The following AFP variants were observed in gnomAD, a reference collection of about 807,000 sequenced individuals.
AFP encodes the protein alpha-fetoprotein.
Under a neutral mutation model 78.9 loss-of-function variants are expected in AFP, and 64 were observed. The observed-to-expected ratio is 0.81, with a 90% CI of 0.66 to 1.00. The LOEUF (loss-of-function observed/expected upper bound fraction) is 1.00. Ranked by LOEUF, AFP falls within the 50% of genes least tolerant of loss-of-function variation. The pLI is 0.00. For missense variants in AFP, 689 were observed against 703.8 expected, an observed-to-expected ratio of 0.98 and a Z score of 0.24; for synonymous variants, 254 against 243.8, an observed-to-expected ratio of 1.04 and a Z score of -0.39.
rs387906580 is a variant in AFP, at chr4:73,447,498, ACT to A, written c.883_884del (p.Leu295ValfsTer25). 6.2e-7 allele frequency: 1 copy of A among 1,611,924 alleles called. No individual in the cohort carries two copies. Among genetic ancestry groups the A allele is most frequent in the Non-Finnish European group, 8.5e-7 (1 of 1,179,162 alleles). On this transcript the variant is annotated frameshift_variant, in exon 8 of 15. Coordinates refer to ENST00000395792, the MANE Select transcript of AFP (RefSeq NM_001134.3). LOFTEE classifies it high-confidence loss of function. ...IMSYICSQQD[T>X]LSNKITECCK... ...GTCCTACATATGTTCTCAACAAGACACTCTGTCAAACAAAATAACAGAATGCT... is the reference window on the plus strand; with the variant it reads ...GTCCTACATATGTTCTCAACAAGACACTGTCAAACAAAATAACAGAATGCT...
At chr4:73,440,489 A>T (rs978610122) in intron 3 of AFP, 113 bp from the exon 4 acceptor site, 5 of 869,678 alleles carry the variant, frequency 5.7e-6, no homozygotes, top group Middle Eastern at 6.1e-4. Context: ...TGTATGGAAA[A>T]TTTTTCAGAA....
chr4:73,453,993 AT>A, intron 13 of AFP, 96 bp downstream of exon 13: 2 of 1,424,498 alleles, frequency 1.4e-6, no homozygotes, highest in Non-Finnish European at 1.9e-6. Flanking sequence ...ACTTTAAAAT[AT>A]TTTCAGAGAG....
chr4:73,450,068 C>A lies in AFP; in HGVS notation c.1224C>A (p.Ser408Arg). 6.2e-7 allele frequency: 1 copy of A among 1,613,494 alleles called. No homozygotes were observed. Among genetic ancestry groups the A allele is most frequent in the Non-Finnish European group, 8.5e-7 (1 of 1,179,592 alleles). ...EEELQKYIQESQALAKRSCGL... is the reference protein window; with the variant it reads ...EEELQKYIQERQALAKRSCGL... ...AATTACAGAAATACATCCAGGAGAGCCAAGCATTGGCAAAGCGAAGCTGCG... is the reference window on the plus strand; with the variant it reads ...AATTACAGAAATACATCCAGGAGAGACAAGCATTGGCAAAGCGAAGCTGCG... The change falls in exon 10 of 15, where the codon AGC (serine) becomes AGA (arginine). Residue 408 changes from serine (S) to arginine (R), a missense_variant. Physicochemically the swap from Ser to Arg is moderately radical, Grantham distance 110. Coordinates refer to ENST00000395792, the MANE Select transcript of AFP (RefSeq NM_001134.3).
intron 13 of AFP, 81 bp from the exon 14 acceptor site, chr4:73,455,155 C>T (rs1720119249): frequency 3.6e-6 from 4 of 1,117,978 alleles, no homozygotes; most frequent in East Asian, 2.4e-5. Flanking sequence ...TATGAATTCA[C>T]CCCGGATTGT....
At chr4:73,443,473 G>A (rs954042954) in intron 6 of AFP, 29 bp downstream of exon 6, 1 of 1,536,990 alleles carries the variant, frequency 6.5e-7, no homozygotes, top group African/African-American at 1.4e-5. Flanking sequence ...TAGGGAAGAG[G>A]GTGAGAGCTA....
chr4:73,454,130 T>G (rs920888300), intron 13 of AFP, among the ~76,000 whole-genome samples: 1 of 151,818 alleles, frequency 6.6e-6, no homozygotes, highest in Non-Finnish European at 1.5e-5. Context: ...TAATTTTAAT[T>G]TATTTCCTAG....
At chr4:73,450,214 GCAA>G in intron 10 of AFP, 81 bp downstream of exon 10, 1 of 1,181,860 alleles carries the variant, frequency 8.5e-7, no homozygotes, top group Non-Finnish European at 1.2e-6. Context: ...TCCTTTGGAA[GCAA>G]CAAGAATGAC....
Position 73,449,360 on chromosome 4 carries a change from C to T in AFP, c.1084C>T (p.His362Tyr). The change falls in exon 9 of 15, where the codon CAT (histidine) becomes TAT (tyrosine). Residue 362 changes from histidine to tyrosine, a missense_variant. By Grantham distance (83) the His-to-Tyr change is moderately conservative. Coordinates refer to ENST00000395792, the MANE Select transcript of AFP (RefSeq NM_001134.3). The part of the protein sequence containing the change: ...ASFVHEYSRR[H>Y]PQLAVSVILR... ...TTTTGTTCATGAATATTCAAGAAGA[C>T]ATCCTCAGCTTGCTGTCTCAGTAAT... The T allele has an allele frequency of 6.2e-7, 1 of 1,613,166 alleles. No homozygotes were observed. The highest frequency in any genetic ancestry group is 2.2e-5 in the East Asian group (1 of 44,774).
At position 73,436,261 on chromosome 4, in the gene AFP, C is replaced by T. The variant is rs540038566; in HGVS notation, c.-2C>T. On this transcript the variant is annotated 5_prime_UTR_variant, in exon 1 of 15. Transcript: ENST00000395792. ...CTGCCAATAACAAAATAACTAGCAACCATGAAGTGGGTGGAATCAATTTTT... is the reference window on the plus strand; with the variant it reads ...CTGCCAATAACAAAATAACTAGCAATCATGAAGTGGGTGGAATCAATTTTT... 2 of 1,591,678 alleles carry T rather than the reference C, an allele frequency of 1.3e-6. No homozygotes were observed. Among genetic ancestry groups the T allele is most frequent in the East Asian group, 2.2e-5 (1 of 44,526 alleles).
chr4:73,438,396 A>G (rs937970913), intron 3 of AFP, 90 bp downstream of exon 3: 6 of 1,432,512 alleles, frequency 4.2e-6, no homozygotes, highest in Middle Eastern at 1.9e-4. Flanking sequence ...TGAAAAATGC[A>G]TTTATATATT....
intron 12 of AFP, 92 bp downstream of exon 12, chr4:73,452,716 C>A: frequency 9.7e-7 from 1 of 1,025,662 alleles, no homozygotes; most frequent in Non-Finnish European, 1.5e-6. Flanking sequence ...CTATTGGGCT[C>A]ACTAACAGAG....
In AFP at chr4:73,453,882, C is replaced by A. The variant is rs1720083662; in HGVS notation, c.1770C>A (p.Val590=). The part of the protein sequence containing the change: ...EKCCQGQEQE[V]CFAEEGQKLI... The stretch of plus-strand genomic sequence containing the variant: ...GCTGCCAAGGCCAGGAACAGGAAGT[C>A]TGCTTTGCTGAAGAGGTACATGCAG... The change falls in exon 13 of 15, where the codon GTC becomes GTA. Residue 590 remains valine (V), a synonymous_variant. Coordinates refer to ENST00000395792, the MANE Select transcript of AFP (RefSeq NM_001134.3). 5.0e-6 allele frequency: 8 copies of A among 1,613,712 alleles called. No homozygotes were observed. The highest frequency in any genetic ancestry group is 1.3e-5 in the African/African-American group (1 of 75,012).
At chr4:73,440,943 T>C in intron 4 of AFP, 130 bp downstream of exon 4, 1 of 914,698 alleles carries the variant, frequency 1.1e-6, no homozygotes, top group South Asian at 1.8e-5. Flanking sequence ...TTGTGTCTGC[T>C]GAGGTCCCAG....
Position 73,440,688 on chromosome 4 carries a change from G to C in AFP, c.357G>C (p.Glu119Asp), listed in dbSNP as rs143015198. The change falls in exon 4 of 15, where the codon GAG becomes GAC. Residue 119 changes from glutamate to aspartate, a missense_variant. Glu to Asp is a conservative substitution (Grantham distance 45, BLOSUM62 2). Coordinates refer to ENST00000395792, the MANE Select transcript of AFP (RefSeq NM_001134.3). ...CAGACTGCTGCAGCCAAAGTGAAGA[G>C]GGAAGACATAACTGTTTTCTTGCAC... Reference protein sequence around the residue: ...GHSDCCSQSEEGRHNCFLAHK... With the variant: ...GHSDCCSQSEDGRHNCFLAHK... 1 of 1,614,032 alleles carries C rather than the reference G, an allele frequency of 6.2e-7. No homozygotes were observed. Among genetic ancestry groups the C allele is most frequent in the African/African-American group, 1.3e-5 (1 of 74,906 alleles).
At chr4:73,450,176 A>T in intron 10 of AFP, 43 bp downstream of exon 10, 1 of 1,442,884 alleles carries the variant, frequency 6.9e-7, no homozygotes, top group Non-Finnish European at 9.7e-7. Flanking sequence ...TAAAATTATT[A>T]AAGAGAATGT....
rs529448877 is a variant in AFP, at chr4:73,456,162, T to G, written c.*542T>G. ...AACATAAGAATATTACAGTTTTGAT[T>G]GAATATAATTAATGTTTTCATCAAT... On this transcript the variant is annotated 3_prime_UTR_variant, in exon 15 of 15. Coordinates refer to ENST00000395792, the MANE Select transcript of AFP (RefSeq NM_001134.3). 2 of 152,766 alleles carry G rather than the reference T, an allele frequency of 1.3e-5. No homozygotes were observed. The highest frequency in any genetic ancestry group is 4.8e-5 in the African/African-American group (2 of 41,590). 9.5% of individuals were successfully genotyped at this position (152,766 alleles called of 1,614,324 possible). A position where few individuals can be genotyped will look rare whatever the true frequency, so the allele number is the denominator to read the frequency against.
chr4:73,443,707 A>C (rs1719741709), intron 6 of AFP, among the ~76,000 whole-genome samples: 1 of 152,172 alleles, frequency 6.6e-6, no homozygotes, highest in South Asian at 2.1e-4. Context: ...CCTGTTCTTT[A>C]AGACACTTAA....
chr4:73,447,720 T>G, intron 8 of AFP, 44 bp downstream of exon 8: 2 of 1,481,522 alleles, frequency 1.3e-6, no homozygotes, highest in Non-Finnish European at 1.9e-6. Flanking sequence ...TAAAAATGAT[T>G]ATGTGGCTGA....
intron 6 of AFP, 23 bp from the exon 7 acceptor site, chr4:73,444,970 T>G: frequency 6.3e-7 from 1 of 1,575,388 alleles, no homozygotes; most frequent in Non-Finnish European, 8.7e-7. Flanking sequence ...GAAATTAATT[T>G]CTAATTTCTT....
Sources: gnomAD v4.1 joint callset for allele counts (sites outside exome capture counted in the v4.1 genomes callset) on GRCh38, gnomAD v4.1.1 for gene constraint, MANE v1.5 for transcripts, NCBI Gene and HGNC (gene_info 2026-07-23, HGNC 2026-07-21) for gene names.